Variants in DGKB observed in about 807,000 individuals in gnomAD.
The protein encoded by DGKB is 90 kDa diacylglycerol kinase.
DGKB carries 67 observed loss-of-function variants against 114.3 expected under a neutral mutation model. The ratio of observed to expected loss-of-function variants is 0.59; its 90% CI spans 0.48 to 0.72. The LOEUF is 0.72. DGKB is among the 30% of genes least tolerant of loss of function. DGKB has a pLI of 0.00. For missense variants in DGKB, 907 were observed against 975.2 expected (o/e 0.93, Z 0.93); for synonymous variants, 398 against 323.1 (o/e 1.23, Z -2.49).
chr7:14,555,706 A>G (rs1454803734), intron 20 of DGKB, among the ~76,000 whole-genome samples: 1 of 152,176 alleles, frequency 6.6e-6, no homozygotes, highest in East Asian at 1.9e-4. Flanking sequence ...ACAGGTCATA[A>G]AGACCTTGCT....
chr7:14,849,696 A>C (rs1849093219), intron 1 of DGKB, among the ~76,000 whole-genome samples: 1 of 152,180 alleles, frequency 6.6e-6, no homozygotes, highest in Non-Finnish European at 1.5e-5. Flanking sequence ...CATGAGGTGG[A>C]GTAATAAATT....
At chr7:14,213,739 T>C (rs1220066241) in intron 23 of DGKB, among the ~76,000 whole-genome samples, 3 of 152,110 alleles carry the variant, frequency 2.0e-5, no homozygotes, top group African/African-American at 7.2e-5. Flanking sequence ...ACTAAATTTA[T>C]CTCTGGCCCA....
At chr7:14,170,142 A>AG (rs1780671649) in intron 25 of DGKB, among the ~76,000 whole-genome samples, 2 of 123,542 alleles carry the variant, frequency 1.6e-5, no homozygotes, top group Non-Finnish European at 3.3e-5. Flanking sequence ...CTCAAAAAAA[A>AG]AAAAAAGAAA....
At chr7:14,370,991 T>C (rs796121744) in intron 21 of DGKB, among the ~76,000 whole-genome samples, 1 of 152,274 alleles carries the variant, frequency 6.6e-6, no homozygotes, top group African/African-American at 2.4e-5. Context: ...GCAAATGACA[T>C]GATTTCATTC....
chr7:14,185,631 T>C (rs1027156232), intron 23 of DGKB, among the ~76,000 whole-genome samples: 5 of 152,124 alleles, frequency 3.3e-5, no homozygotes, highest in African/African-American at 7.2e-5. Context: ...TGTAAGGCCA[T>C]AGTCACCAAA....
At position 14,320,537 on chromosome 7, in the gene DGKB, C is replaced by T. The variant is rs117895971; in HGVS notation, c.2122+17978G>A. Among the ~76,000 whole-genome samples the T allele has an allele frequency of 9.4e-4, 142 of 151,198 alleles. 2 individuals carry two copies. The South Asian group carries it at 9.6e-3, about 10-fold the overall frequency. Reference sequence around the variant, plus strand: ...CACATATATATATGTACCGCATATGCGGTACATATATGTACTATATAGTAC... The same window carrying T: ...CACATATATATATGTACCGCATATGTGGTACATATATGTACTATATAGTAC... On this transcript the variant is annotated intron_variant, in intron 23 of 25. Transcript: ENST00000402815.
chr7:14,458,450 G>T (rs960276929), intron 21 of DGKB, among the ~76,000 whole-genome samples: 1 of 152,154 alleles, frequency 6.6e-6, no homozygotes, highest in African/African-American at 2.4e-5. Context: ...AGCTCCCAGC[G>T]AAATCAATGC....
chr7:14,206,216 A>G (rs1160287174), intron 23 of DGKB, among the ~76,000 whole-genome samples: 1 of 152,044 alleles, frequency 6.6e-6, no homozygotes, highest in South Asian at 2.1e-4. Context: ...ACACCAGTTG[A>G]AAAACATGAT....
intron 2 of DGKB, among the ~76,000 whole-genome samples, chr7:14,812,550 C>T (rs1843584871): frequency 6.6e-6 from 1 of 151,954 alleles, no homozygotes; most frequent in Non-Finnish European, 1.5e-5. Flanking sequence ...AATATTAAAC[C>T]ACTTCACCTG....
chr7:14,511,297 G>T (rs567521492), intron 20 of DGKB, among the ~76,000 whole-genome samples: 1 of 152,152 alleles, frequency 6.6e-6, no homozygotes, highest in African/African-American at 2.4e-5. Context: ...CAAATCTTCT[G>T]GATAACTTGC....
At chr7:14,656,979 C>G (rs550824546) in intron 13 of DGKB, among the ~76,000 whole-genome samples, 1 of 151,790 alleles carries the variant, frequency 6.6e-6, no homozygotes, top group Non-Finnish European at 1.5e-5. Flanking sequence ...CAGAAAGCAA[C>G]AGCACACAGC....
intron 2 of DGKB, among the ~76,000 whole-genome samples, chr7:14,821,004 C>G (rs1204397368): frequency 6.6e-6 from 1 of 152,086 alleles, no homozygotes; most frequent in Non-Finnish European, 1.5e-5. Flanking sequence ...TCTCTAGGAA[C>G]ATGTTTCACC....
At chr7:14,617,588 T>C (rs988074999) in intron 15 of DGKB, among the ~76,000 whole-genome samples, 1 of 151,578 alleles carries the variant, frequency 6.6e-6, no homozygotes, top group Non-Finnish European at 1.5e-5. Context: ...ATCATGTCAC[T>C]CCTCTGCTTA....
At chr7:14,531,715 A>T (rs1791613161) in intron 20 of DGKB, among the ~76,000 whole-genome samples, 2 of 151,552 alleles carry the variant, frequency 1.3e-5, no homozygotes, top group South Asian at 4.1e-4. Flanking sequence ...GAAAGAACCC[A>T]GAAAAGCCAA....
chr7:14,637,869 T>C (rs1036823277), intron 13 of DGKB, among the ~76,000 whole-genome samples: 1 of 151,936 alleles, frequency 6.6e-6, no homozygotes, highest in African/African-American at 2.4e-5. Flanking sequence ...TAACATTCAC[T>C]AAAATGCCAC....
chr7:14,919,099 C>CACAA (rs754108923), intron 1 of DGKB, among the ~76,000 whole-genome samples: 6,425 of 140,900 alleles, frequency 0.046, 129 homozygotes, highest in African/African-American at 0.056. Context: ...CACACAAACA[C>CACAA]ACACACACAC....
intron 6 of DGKB, among the ~76,000 whole-genome samples, chr7:14,706,593 G>C (rs1475868436): frequency 1.9e-5 from 2 of 102,786 alleles, no homozygotes; most frequent in Admixed American, 1.1e-4. Context: ...AAATGTAAAA[G>C]AACAGAAATT....
At chr7:14,861,105 T>C (rs555412750) in intron 1 of DGKB, among the ~76,000 whole-genome samples, 44 of 152,088 alleles carry the variant, frequency 2.9e-4, no homozygotes, top group African/African-American at 9.6e-4. Context: ...TATTTCCAGG[T>C]ATCTGGCATA....
intron 1 of DGKB, among the ~76,000 whole-genome samples, chr7:14,914,737 T>C (rs575742324): frequency 6.6e-6 from 1 of 152,082 alleles, no homozygotes; most frequent in Admixed American, 6.6e-5. Flanking sequence ...GATTAATATG[T>C]TAAAGGATCT....
Sources: gnomAD v4.1 joint callset for allele counts (sites outside exome capture counted in the v4.1 genomes callset) on GRCh38, gnomAD v4.1.1 for gene constraint, MANE v1.5 for transcripts, NCBI Gene and HGNC (gene_info 2026-07-23, HGNC 2026-07-21) for gene names.